LAMA1: variants seen among roughly 807,000 people sequenced by gnomAD.
LAMA1 encodes laminin subunit alpha 1.
In LAMA1, 219 loss-of-function variants were observed where a neutral mutation model predicts 348.7. The observed-to-expected ratio is 0.63, with a 90% CI of 0.56 to 0.70. LAMA1 has a LOEUF of 0.70. LAMA1 is among the 30% of genes least tolerant of loss of function. The pLI is 0.00. For synonymous variants in LAMA1, 1,487 were observed against 1,491.0 expected (o/e 1.00, Z 0.06); for missense variants, 3,744 against 3,888.0 (o/e 0.96, Z 0.99).
intron 1 of LAMA1, among the ~76,000 whole-genome samples, chr18:7,103,455 G>T (rs982812027): frequency 6.6e-6 from 1 of 151,710 alleles, no homozygotes; most frequent in African/African-American, 2.4e-5. Context: ...GGTTCCAAAA[G>T]TTCTATCCAT....
intron 54 of LAMA1, 28 bp from the exon 55 acceptor site, chr18:6,958,690 A>G: frequency 6.4e-7 from 1 of 1,557,576 alleles, no homozygotes; most frequent in Non-Finnish European, 8.9e-7. Flanking sequence ...AAAATAAATG[A>G]AAAGCTTTAA....
At chr18:7,099,954 G>T (rs1246207980) in intron 1 of LAMA1, among the ~76,000 whole-genome samples, 1 of 150,618 alleles carries the variant, frequency 6.6e-6, no homozygotes, top group African/African-American at 2.4e-5. Flanking sequence ...AGCTACTCAG[G>T]AGGCTGAGGC....
intron 57 of LAMA1, among the ~76,000 whole-genome samples, chr18:6,951,789 A>C (rs1338329069): frequency 6.6e-6 from 1 of 152,226 alleles, no homozygotes; most frequent in Non-Finnish European, 1.5e-5. Context: ...AAGAAGCAAC[A>C]GGATTTGCCA....
intron 5 of LAMA1, among the ~76,000 whole-genome samples, chr18:7,047,544 A>G (rs934985608): frequency 3.3e-4 from 50 of 152,204 alleles, no homozygotes; most frequent in African/African-American, 1.2e-3. Context: ...TGGAATCCCA[A>G]TGAAAATCTT....
At chr18:6,951,472 G>A (rs918339340) in intron 57 of LAMA1, among the ~76,000 whole-genome samples, 8 of 152,200 alleles carry the variant, frequency 5.3e-5, no homozygotes, top group African/African-American at 1.9e-4. Flanking sequence ...CCTGTCAGAG[G>A]GACCACGGTG....
chr18:7,098,941 C>G (rs1387813754), intron 1 of LAMA1, among the ~76,000 whole-genome samples: 10 of 152,186 alleles, frequency 6.6e-5, no homozygotes, highest in Non-Finnish European at 1.5e-4. Flanking sequence ...GCCCCTCTGC[C>G]CGGCCACCAC....
At chr18:6,998,899 G>A (rs1051221062) in intron 32 of LAMA1, among the ~76,000 whole-genome samples, 1 of 152,158 alleles carries the variant, frequency 6.6e-6, no homozygotes, top group Admixed American at 6.5e-5. Context: ...CAGGCAAGGT[G>A]GTGGACACCT....
chr18:6,968,303 C>T (rs2057642851), intron 48 of LAMA1, among the ~76,000 whole-genome samples: 1 of 152,192 alleles, frequency 6.6e-6, no homozygotes, highest in African/African-American at 2.4e-5. Context: ...AGGGCTCCCT[C>T]ATGAGATGTG....
Position 7,009,238 on chromosome 18 carries a change from C to A in LAMA1, c.4001+1G>T. 6.2e-7 allele frequency: 1 copy of A among 1,614,092 alleles called. No homozygotes were observed. The highest frequency in any genetic ancestry group is 8.5e-7 in the Non-Finnish European group (1 of 1,179,996). ...GTCAAAATTCTAGAAGCTCCAAGTA[C>A]CTGCTCTGCTGTAATCCTTGACCAT... is the stretch of plus-strand genomic sequence containing the variant. On this transcript the variant is annotated splice_donor_variant, in intron 27 of 62. Transcript: ENST00000389658. LOFTEE classifies it high-confidence loss of function.
At chr18:7,040,820 G>A (rs978485610) in intron 9 of LAMA1, among the ~76,000 whole-genome samples, 1 of 152,116 alleles carries the variant, frequency 6.6e-6, no homozygotes, top group Non-Finnish European at 1.5e-5. Flanking sequence ...AATAAAAAGG[G>A]TTGAAATACT....
In LAMA1 at chr18:6,980,582, A is replaced by T. The variant is rs756439000; in HGVS notation, c.5946T>A (p.Asn1982Lys). The T allele has an allele frequency of 6.2e-7, 1 of 1,613,714 alleles. No individual in the cohort carries two copies. Among genetic ancestry groups the T allele is most frequent in the South Asian group, 1.1e-5 (1 of 91,072 alleles). The change falls in exon 42 of 63, where the codon AAT becomes AAA. Residue 1982 changes from asparagine to lysine, a missense_variant. Physicochemically the swap from Asn to Lys is moderately conservative, Grantham distance 94. This residue lies in a region of LAMA1 where 1,983 missense variants were observed against 1,934.3 expected (regional missense o/e 1.03). Coordinates refer to ENST00000389658, the MANE Select transcript of LAMA1 (RefSeq NM_005559.4). ...LRNKTNRFQE[N>K]AVEITRQTNE... is the part of the protein sequence containing the mutation. ...TGGTTTGCCTGGTAATTTCAACAGC[A>T]TTCTCTTGAAATCTGTTTGTCTTAT...
chr18:7,083,978 C>A (rs2058204134), intron 1 of LAMA1, among the ~76,000 whole-genome samples: 1 of 146,212 alleles, frequency 6.8e-6, no homozygotes, highest in African/African-American at 2.5e-5. Flanking sequence ...GAGGCTGAGG[C>A]AGGAGAATCA....
chr18:6,963,211 A>C (rs1036373876), intron 51 of LAMA1, among the ~76,000 whole-genome samples: 8 of 152,132 alleles, frequency 5.3e-5, no homozygotes, highest in Admixed American at 2.0e-4. Context: ...TTCTACTGAG[A>C]ACATCTGTGA....
intron 1 of LAMA1, among the ~76,000 whole-genome samples, chr18:7,083,037 T>C (rs1303038180): frequency 6.6e-6 from 1 of 152,058 alleles, no homozygotes; most frequent in African/African-American, 2.4e-5. Context: ...GCTGGAGTCT[T>C]TGCCCTGAGC....
rs1291907628 is a variant in LAMA1 at position 7,033,075 on chromosome 18, T to A, written c.2072A>T (p.Asp691Val). The A allele has an allele frequency of 2.5e-6, 4 of 1,611,280 alleles. No homozygotes were observed. Among genetic ancestry groups the A allele is most frequent in the Non-Finnish European group, 3.4e-6 (4 of 1,178,820 alleles). ...GTCGATGGCATTAGAGCTGGCTATG[T>A]CCAGAGAGACGGACTCCAACCTACA... ...ALYRLESVSL[D>V]IASSNAIDLV... The change falls in exon 15 of 63, where the codon GAC becomes GTC. Residue 691 changes from aspartate (D) to valine (V), a missense_variant. By Grantham distance (152) the Asp-to-Val change is radical. Transcript: ENST00000389658.
At chr18:6,992,429 C>T in intron 36 of LAMA1, 132 bp downstream of exon 36, 2 of 971,906 alleles carry the variant, frequency 2.1e-6, no homozygotes, top group South Asian at 2.6e-5. Context: ...ACCACAGGGC[C>T]CCTTCTCCTC....
chr18:7,034,286 T>C (rs1364565131), intron 14 of LAMA1, among the ~76,000 whole-genome samples, 193 bp downstream of exon 14: 2 of 152,232 alleles, frequency 1.3e-5, no homozygotes, highest in African/African-American at 2.4e-5. Context: ...ATACACTTGA[T>C]GTGGATAACT....
At chr18:6,990,447 G>A (rs1183650260) in intron 36 of LAMA1, among the ~76,000 whole-genome samples, 1 of 152,132 alleles carries the variant, frequency 6.6e-6, no homozygotes, top group Non-Finnish European at 1.5e-5. Flanking sequence ...TGTGTGGGGG[G>A]CTGAGGAAGG....
At chr18:7,035,027 A>G (rs2057988095) in intron 13 of LAMA1, among the ~76,000 whole-genome samples, 1 of 152,244 alleles carries the variant, frequency 6.6e-6, no homozygotes, top group African/African-American at 2.4e-5. Context: ...TAGAAAAAGT[A>G]TGTAAACATA....
Sources: gnomAD v4.1 joint callset for allele counts (sites outside exome capture counted in the v4.1 genomes callset) on GRCh38, gnomAD v4.1.1 for gene constraint, gnomAD v4.1.1 regional missense constraint, MANE v1.5 for transcripts, NCBI Gene and HGNC (gene_info 2026-07-23, HGNC 2026-07-21) for gene names.